The following NDRG1 variants were observed in gnomAD, a reference collection of about 807,000 sequenced individuals.
NDRG1 encodes protein NDRG1.
A neutral mutation model predicts 56.9 loss-of-function variants in NDRG1; 32 were observed. That is an observed-to-expected ratio of 0.56 (90% CI 0.42 to 0.76). The LOEUF (loss-of-function observed/expected upper bound fraction) is 0.76. Among genes scored for constraint, NDRG1 ranks in the 30% least tolerant of loss-of-function variants. The pLI is 0.00. For missense variants in NDRG1, 507 were observed against 545.7 expected, an observed-to-expected ratio of 0.93 and a Z score of 0.71; for synonymous variants, 211 against 204.1, an observed-to-expected ratio of 1.03 and a Z score of -0.29.
chr8:133,253,026 A>C (rs1856160264), intron 9 of NDRG1, among the ~76,000 whole-genome samples: 1 of 151,704 alleles, frequency 6.6e-6, no homozygotes, highest in Non-Finnish European at 1.5e-5. Context: ...ATGGTCACAC[A>C]TGTTAGCTCA....
intron 1 of NDRG1, among the ~76,000 whole-genome samples, chr8:133,295,966 C>T (rs902881364): frequency 6.6e-6 from 1 of 152,142 alleles, no homozygotes; most frequent in Non-Finnish European, 1.5e-5. Context: ...TTCCAAGCCA[C>T]AGAGGCGTGC....
chr8:133,245,215 G>A (rs1564281085), intron 13 of NDRG1, among the ~76,000 whole-genome samples: 1 of 152,160 alleles, frequency 6.6e-6, no homozygotes, highest in Non-Finnish European at 1.5e-5. Flanking sequence ...TGACGCTGTG[G>A]AAGTCTCCAG....
At chr8:133,268,594 AAGGCAGGGT>A (rs1281534201) in intron 3 of NDRG1, among the ~76,000 whole-genome samples, 3 of 152,192 alleles carry the variant, frequency 2.0e-5, no homozygotes, top group African/African-American at 7.2e-5. Flanking sequence ...TACGAAGAGT[AAGGCAGGGT>A]ATCAGACCTC....
rs1233981901 is a variant in NDRG1, at chr8:133,269,025, T to C, written c.100-4373A>G. 2.6e-5 allele frequency among the ~76,000 whole-genome samples: 4 copies of C among 152,216 alleles called. No homozygotes were observed. The East Asian group carries it at 7.7e-4, about 29-fold the overall frequency. ...GTCCTATTCAGTCCCAAAGGAATGT[T>C]CTGTCCTTCTGTCCCTGCGGGGATC... On this transcript the variant is annotated intron_variant, in intron 3 of 15. Transcript: ENST00000323851.
intron 5 of NDRG1, among the ~76,000 whole-genome samples, chr8:133,260,121 A>G (rs944367549): frequency 6.6e-6 from 1 of 152,172 alleles, no homozygotes; most frequent in African/African-American, 2.4e-5. Flanking sequence ...CTAAGGTGTG[A>G]CACTGGAGAA....
Position 133,237,848 on chromosome 8 carries a change from T to G in NDRG1, c.*1030A>C, listed in dbSNP as rs1855143397. On this transcript the variant is annotated 3_prime_UTR_variant, in exon 16 of 16. Coordinates refer to ENST00000323851, the MANE Select transcript of NDRG1 (RefSeq NM_006096.4). ...CAAAATTCCTGGAACCAAGCTGGGATCCACAGAAATCACAACTGCACTGGA... is the reference window on the plus strand; with the variant it reads ...CAAAATTCCTGGAACCAAGCTGGGAGCCACAGAAATCACAACTGCACTGGA... 4.3e-6 allele frequency: 1 copy of G among 232,882 alleles called. No individual in the cohort carries two copies. The highest frequency in any genetic ancestry group is 8.5e-6 in the Non-Finnish European group (1 of 117,974). The allele number at this position is 232,882 out of a possible 1,614,324, so 14.4% of individuals were successfully genotyped here.
Position 133,241,545 on chromosome 8 carries a change from C to A in NDRG1, c.943+478G>T, listed in dbSNP as rs866101925. On this transcript the variant is annotated intron_variant, in intron 15 of 15. Coordinates refer to ENST00000323851, the MANE Select transcript of NDRG1 (RefSeq NM_006096.4). Reference sequence around the variant, plus strand: ...GCCCTCTGCTCCCTGCTTACAACCCCGAAGCCTCAGCTTCATCACTGATAA... The same window carrying A: ...GCCCTCTGCTCCCTGCTTACAACCCAGAAGCCTCAGCTTCATCACTGATAA... 2.9e-5 allele frequency: 6 copies of A among 209,146 alleles called. No individual in the cohort carries two copies. In the East Asian group the frequency reaches 5.7e-4, roughly 20 times the overall value. The allele number at this position is 209,146 out of a possible 1,614,324, so 13.0% of individuals were successfully genotyped here. A position where few individuals can be genotyped will look rare whatever the true frequency, so the allele number is the denominator to read the frequency against.
intron 3 of NDRG1, among the ~76,000 whole-genome samples, chr8:133,265,861 G>A (rs891966411): frequency 6.6e-6 from 1 of 152,132 alleles, no homozygotes; most frequent in African/African-American, 2.4e-5. Flanking sequence ...CTGGGCTTCC[G>A]CCCTCCTCAA....
At chr8:133,281,145 G>T (rs1232721099) in intron 2 of NDRG1, 1 of 152,100 alleles carries the variant, frequency 6.6e-6, no homozygotes, top group East Asian at 1.9e-4. Context: ...ATCACCTGAG[G>T]TCAGGAGTTC....
intron 10 of NDRG1, 121 bp downstream of exon 10, chr8:133,250,319 T>C (rs1855942736): frequency 2.1e-6 from 2 of 954,156 alleles, no homozygotes; most frequent in South Asian, 1.3e-5. Flanking sequence ...ATCTATTTGC[T>C]CAAACTCAGA....
At chr8:133,274,877 G>C (rs574997303) in intron 3 of NDRG1, among the ~76,000 whole-genome samples, 19 of 152,310 alleles carry the variant, frequency 1.2e-4, no homozygotes, top group Admixed American at 1.0e-3. Context: ...ATCTGTAAAG[G>C]AAGGATGATG....
chr8:133,257,500 C>A (rs1397842957), intron 7 of NDRG1, among the ~76,000 whole-genome samples: 1 of 152,132 alleles, frequency 6.6e-6, no homozygotes, highest in East Asian at 1.9e-4. Flanking sequence ...GCTGTACAAA[C>A]CTGTACAGCA....
intron 13 of NDRG1, 91 bp from the exon 14 acceptor site, chr8:133,244,481 C>A (rs555218002): frequency 6.9e-7 from 1 of 1,451,118 alleles, no homozygotes; most frequent in Admixed American, 1.8e-5. Flanking sequence ...CCCATCCGCC[C>A]GCTGCCCTGC....
In NDRG1 at chr8:133,250,382, G is replaced by A. The variant is rs150471158; in HGVS notation, c.698+58C>T. The A allele has an allele frequency of 1.2e-4, 169 of 1,438,178 alleles. No individual in the cohort carries two copies. In the East Asian group the frequency reaches 2.0e-3, roughly 17 times the overall value. 89.1% of individuals were successfully genotyped at this position (1,438,178 alleles called of 1,614,324 possible). Reference sequence around the variant, plus strand: ...CTCCCTCTCATCTGTCCCACATTTCGGATCTACAGAAGACACCTCATAAAT... The same window carrying A: ...CTCCCTCTCATCTGTCCCACATTTCAGATCTACAGAAGACACCTCATAAAT... On this transcript the variant is annotated intron_variant, in intron 10 of 15. Coordinates refer to ENST00000323851, the MANE Select transcript of NDRG1 (RefSeq NM_006096.4).
Position 133,238,988 on chromosome 8 carries a change from C to G in NDRG1, c.1075G>C (p.Gly359Arg), listed in dbSNP as rs1196850683. ...CTGGTGTGCGAGCGGCTGCGGGTGC[C>G]CTCGCTGGTGTGGGAGCGGCTTCGG... ...GTRSRSHTSE[G>R]TRSRSHTSEG... Residue 359 changes from glycine to arginine, a missense_variant, in exon 16 of 16, where the codon GGC becomes CGC. Gly to Arg is a moderately radical substitution (Grantham distance 125, BLOSUM62 -2). Transcript: ENST00000323851. 6.3e-7 allele frequency: 1 copy of G among 1,593,980 alleles called. No individual in the cohort carries two copies. The highest frequency in any genetic ancestry group is 1.1e-5 in the South Asian group (1 of 87,614).
intron 3 of NDRG1, among the ~76,000 whole-genome samples, chr8:133,279,777 C>G (rs996925077): frequency 1.2e-4 from 19 of 152,222 alleles, no homozygotes; most frequent in African/African-American, 4.1e-4. Flanking sequence ...CTGAGGTGCA[C>G]CCCCTGGCCC....
intron 9 of NDRG1, among the ~76,000 whole-genome samples, 186 bp from the exon 10 acceptor site, chr8:133,250,729 G>A (rs1586422494): frequency 6.6e-6 from 1 of 151,938 alleles, no homozygotes; most frequent in African/African-American, 2.4e-5. Flanking sequence ...GCAGACAGGG[G>A]TTTCACTATC....
At chr8:133,251,852 A>G (rs552423276) in intron 9 of NDRG1, among the ~76,000 whole-genome samples, 39 of 152,364 alleles carry the variant, frequency 2.6e-4, no homozygotes, top group East Asian at 5.8e-4. Flanking sequence ...ATGAAATCCA[A>G]TGGAAAGTAT....
intron 13 of NDRG1, among the ~76,000 whole-genome samples, chr8:133,246,270 G>A (rs1289477717): frequency 6.6e-6 from 1 of 152,214 alleles, no homozygotes; most frequent in Non-Finnish European, 1.5e-5. Context: ...CCGGCTGTGG[G>A]ACACGTCTCT....
Sources: allele counts gnomAD v4.1 joint callset (sites outside exome capture counted in the v4.1 genomes callset), GRCh38; gene constraint gnomAD v4.1.1; transcripts MANE v1.5; gene names NCBI Gene and HGNC (gene_info 2026-07-23, HGNC 2026-07-21).